Variants in SLC39A4 observed in about 807,000 individuals in gnomAD.
The protein encoded by SLC39A4 is solute carrier family 39 member 4.
A neutral mutation model predicts 56.6 loss-of-function variants in SLC39A4; 49 were observed. That is an observed-to-expected ratio of 0.87 (90% CI 0.69 to 1.10). SLC39A4 has a LOEUF of 1.10. Among genes scored for constraint, SLC39A4 ranks in the 50% least tolerant of loss-of-function variants. SLC39A4 has a pLI of 0.00. For missense variants in SLC39A4, 993 were observed against 864.2 expected (o/e 1.15, Z -1.87); for synonymous variants, 540 against 420.4 (o/e 1.28, Z -3.48).
chr8:144,412,908 G>C lies in SLC39A4; in HGVS notation c.1666C>G (p.Arg556Gly). Residue 556 changes from arginine (R) to glycine (G), a missense_variant, in exon 11 of 12, where the codon CGC (arginine) becomes GGC (glycine). Arg to Gly is a moderately radical substitution (Grantham distance 125, BLOSUM62 -2). Transcript: ENST00000301305. ...AALLHAGLSVRQALLLNLASA... is the reference protein window; with the variant it reads ...AALLHAGLSVGQALLLNLASA... ...GCCAGGTTCAGCAGCAGTGCTTGGC[G>C]CACGGACAGCCCCGCGTGCAGCAAG... 1.2e-6 allele frequency: 2 copies of C among 1,608,198 alleles called. No individual in the cohort carries two copies. Among genetic ancestry groups the C allele is most frequent in the Non-Finnish European group, 1.7e-6 (2 of 1,179,490 alleles).
Position 144,413,761 on chromosome 8 carries a change from G to A in SLC39A4, c.1408C>T (p.Arg470Cys), listed in dbSNP as rs1822013005. The A allele has an allele frequency of 1.3e-6, 2 of 1,539,680 alleles. No homozygotes were observed. Among genetic ancestry groups the A allele is most frequent in the Non-Finnish European group, 1.7e-6 (2 of 1,148,478 alleles). Residue 470 changes from arginine (R) to cysteine (C), a missense_variant, in exon 8 of 12, where the codon CGC becomes TGC. Physicochemically the swap from Arg to Cys is radical, Grantham distance 180. Transcript: ENST00000301305. Reference sequence around the variant, plus strand: ...TGGCGCCCACTCACCAGGTCTGCGCGGGAGCCCTCGTGGGGGGGCTTGGGC... The same window carrying A: ...TGGCGCCCACTCACCAGGTCTGCGCAGGAGCCCTCGTGGGGGGGCTTGGGC... ...RQPKPPHEGSRADLVAEESPE... is the reference protein window; with the variant it reads ...RQPKPPHEGSCADLVAEESPE...
At chr8:144,416,384 TG>T in intron 1 of SLC39A4, 2 of 1,451,684 alleles carry the variant, frequency 1.4e-6, no homozygotes, top group South Asian at 2.9e-5. Context: ...CCTGGGGTCC[TG>T]GGGAGAAGAG....
chr8:144,413,776 G>A lies in SLC39A4; in HGVS notation c.1393C>T (p.Pro465Ser). 1 of 1,545,164 alleles carries A rather than the reference G, an allele frequency of 6.5e-7. No individual in the cohort carries two copies. Among genetic ancestry groups the A allele is most frequent in the South Asian group, 1.2e-5 (1 of 84,704 alleles). ...AGGTCTGCGCGGGAGCCCTCGTGGG[G>A]GGGCTTGGGCTGCCGGAGCTCGCTG... ...APSELRQPKP[P>S]HEGSRADLVA... Residue 465 changes from proline to serine, a missense_variant, in exon 8 of 12, where the codon CCC becomes TCC. Pro to Ser is a moderately conservative substitution (Grantham distance 74). Coordinates refer to ENST00000301305, the MANE Select transcript of SLC39A4 (RefSeq NM_130849.4).
rs1554874191 is a variant in SLC39A4, at chr8:144,416,773, G to A, written c.17C>T (p.Ser6Leu). The A allele has an allele frequency of 3.7e-6, 6 of 1,612,392 alleles. No homozygotes were observed. Among genetic ancestry groups the A allele is most frequent in the African/African-American group, 1.3e-5 (1 of 75,028 alleles). ...AGCCAGAAGCAGCCCCAGCTCCAGC[G>A]AGACCAGGGACGCCATACTCAGCTC... Reference protein sequence around the residue: MASLVSLELGLLLAVL... With the variant: MASLVLLELGLLLAVL... The change falls in exon 1 of 12, where the codon TCG (serine) becomes TTG (leucine). Residue 6 changes from serine (S) to leucine (L), a missense_variant. Ser to Leu is a moderately radical substitution (Grantham distance 145). Coordinates refer to ENST00000301305, the MANE Select transcript of SLC39A4 (RefSeq NM_130849.4).
chr8:144,413,009 C>T (rs537548086), intron 10 of SLC39A4, 63 bp from the exon 11 acceptor site: 22 of 1,529,886 alleles, frequency 1.4e-5, no homozygotes, highest in Non-Finnish European at 1.8e-5. Flanking sequence ...CACCTCCTTT[C>T]GGTCCCGCCC....
chr8:144,414,379 G>A lies in SLC39A4; in HGVS notation c.1032C>T (p.Gly344=), dbSNP rs1368392594. 7.0e-6 allele frequency: 11 copies of A among 1,580,084 alleles called. No homozygotes were observed. The African/African-American group carries it at 9.4e-5, about 13-fold the overall frequency. ...TLLICLCAVF[G]LLLLTCTGCR... The stretch of plus-strand genomic sequence containing the variant: ...AGCCAGTGCAGGTCAGCAGCAGGAG[G>A]CCAAAGACCGCGCAGAGGCAGATGA... The change falls in exon 6 of 12, where the codon GGC becomes GGT. Residue 344 remains glycine, a synonymous_variant. Coordinates refer to ENST00000301305, the MANE Select transcript of SLC39A4 (RefSeq NM_130849.4).
chr8:144,415,705 T>TCCCCAGGC (rs1822151073), intron 2 of SLC39A4, 105 bp downstream of exon 2: 8 of 1,421,176 alleles, frequency 5.6e-6, no homozygotes, highest in Non-Finnish European at 7.4e-6. Flanking sequence ...CCTGGGCGTC[T>TCCCCAGGC]CCCCAGGCCC....
Position 144,415,255 on chromosome 8 carries a change from G to A in SLC39A4, c.639C>T (p.His213=), listed in dbSNP as rs1554873529. The part of the protein sequence containing the change: ...QYFVDFVFQQ[H]SSEVPMTLAE... Reference sequence around the variant, plus strand: ...CCAGCGTCATAGGGACCTCGCTGCTGTGCTGCTGGAACACAAAGTCCACGA... The same window carrying A: ...CCAGCGTCATAGGGACCTCGCTGCTATGCTGCTGGAACACAAAGTCCACGA... The change falls in exon 3 of 12, where the codon CAC becomes CAT. Residue 213 remains histidine (H), a synonymous_variant. Coordinates refer to ENST00000301305, the MANE Select transcript of SLC39A4 (RefSeq NM_130849.4). 2 of 1,613,202 alleles carry A rather than the reference G, an allele frequency of 1.2e-6. No homozygotes were observed. The highest frequency in any genetic ancestry group is 2.2e-5 in the South Asian group (2 of 91,086).
chr8:144,415,305 G>A lies in SLC39A4; in HGVS notation c.589C>T (p.His197Tyr). The part of the protein sequence containing the change: ...LDHVRSGSCF[H>Y]ALPSPQYFVD... ...AAGTACTGAGGGCTCGGCAAGGCGT[G>A]GAAGCAAGACCCGCTCCTGACATGG... is the stretch of plus-strand genomic sequence containing the variant. Residue 197 changes from histidine (H) to tyrosine (Y), a missense_variant, in exon 3 of 12, where the codon CAC (histidine) becomes TAC (tyrosine). Transcript: ENST00000301305. 4 of 1,613,142 alleles carry A rather than the reference G, an allele frequency of 2.5e-6. No individual in the cohort carries two copies. The highest frequency in any genetic ancestry group is 3.4e-6 in the Non-Finnish European group (4 of 1,179,828).
chr8:144,414,766 T>G lies in SLC39A4; in HGVS notation c.935A>C (p.Gln312Pro), dbSNP rs1233156360. The change falls in exon 5 of 12, where the codon CAG (glutamine) becomes CCG (proline). Residue 312 changes from glutamine to proline, a missense_variant. Physicochemically the swap from Gln to Pro is moderately conservative, Grantham distance 76 (BLOSUM62 -1). Coordinates refer to ENST00000301305, the MANE Select transcript of SLC39A4 (RefSeq NM_130849.4). The stretch of plus-strand genomic sequence containing the variant: ...CTGGTCCTGGACGGGGGGCCTGGAC[T>G]GGGAGGTGCAGGCTCCACTCAGCTG... ...QQQLSGACTS[Q>P]SRPPVQDQLS... 6.2e-7 allele frequency: 1 copy of G among 1,612,964 alleles called. No homozygotes were observed. The highest frequency in any genetic ancestry group is 8.5e-7 in the Non-Finnish European group (1 of 1,179,960).
intron 1 of SLC39A4, chr8:144,416,384 T>C: frequency 6.9e-7 from 1 of 1,451,686 alleles, no homozygotes; most frequent in Non-Finnish European, 9.0e-7. Context: ...CCTGGGGTCC[T>C]GGGGAGAAGA....
At chr8:144,415,670 G>A (rs912376874) in intron 2 of SLC39A4, 140 bp downstream of exon 2, 1 of 1,318,178 alleles carries the variant, frequency 7.6e-7, no homozygotes, top group East Asian at 2.5e-5. Flanking sequence ...GCCCCACGTT[G>A]TGAATCCCCA....
At chr8:144,414,681 C>T in intron 5 of SLC39A4, 44 bp downstream of exon 5, 2 of 1,607,456 alleles carry the variant, frequency 1.2e-6, no homozygotes, top group Admixed American at 3.3e-5. Flanking sequence ...CCTACACGGG[C>T]TCCACCTCTG....
Position 144,413,528 on chromosome 8 carries a change from TGGGCTCAGGGTTCAGCAGCTCC to T in SLC39A4, c.1437_1458del (p.Glu480GlyfsTer3). ...CTGGGCTCACCTGGGCTCAGTCTCC[TGGGCTCAGGGTTCAGCAGCTCC>T]GGGCTCTCCTCCGCCACCTGGGAGG... On this transcript the variant is annotated frameshift_variant, in exon 9 of 12. Coordinates refer to ENST00000301305, the MANE Select transcript of SLC39A4 (RefSeq NM_130849.4). LOFTEE classifies it high-confidence loss of function. 1 of 1,556,826 alleles carries T rather than the reference TGGGCTCAGGGTTCAGCAGCTCC, an allele frequency of 6.4e-7. No homozygotes were observed. Among genetic ancestry groups the T allele is most frequent in the Non-Finnish European group, 8.7e-7 (1 of 1,150,242 alleles).
chr8:144,414,196 AGGGCACGGCCT>A lies in SLC39A4; in HGVS notation c.1149+55_1149+65del, dbSNP rs1822056562. 1.9e-6 allele frequency: 3 copies of A among 1,583,226 alleles called. No homozygotes were observed. The African/African-American group carries it at 4.0e-5, about 21-fold the overall frequency. Reference sequence around the variant, plus strand: ...AGGTGGGGTGGGTAAGGTCCCTGGGAGGGCACGGCCTGGGAGTCCATGGTGGGGAACGGAGG... The same window carrying A: ...AGGTGGGGTGGGTAAGGTCCCTGGGAGGGAGTCCATGGTGGGGAACGGAGG... On this transcript the variant is annotated intron_variant, in intron 6 of 11. Transcript: ENST00000301305.
rs782478309 is a variant in SLC39A4, at chr8:144,415,825, G to A, written c.459C>T (p.Gly153=). The part of the protein sequence containing the change: ...LLQRMQARAA[G]QTPKMACVDI... Reference sequence around the variant, plus strand: ...TCTCCCTCACCATCTTGGGGGTCTGGCCGGCAGCCCGGGCCTGCATCCTCT... The same window carrying A: ...TCTCCCTCACCATCTTGGGGGTCTGACCGGCAGCCCGGGCCTGCATCCTCT... The change falls in exon 2 of 12, where the codon GGC becomes GGT. Residue 153 remains glycine, a synonymous_variant. Coordinates refer to ENST00000301305, the MANE Select transcript of SLC39A4 (RefSeq NM_130849.4). 1.9e-6 allele frequency: 3 copies of A among 1,594,606 alleles called. No individual in the cohort carries two copies. The highest frequency in any genetic ancestry group is 2.2e-5 in the East Asian group (1 of 44,602).
intron 1 of SLC39A4, 152 bp downstream of exon 1, chr8:144,416,446 C>T (rs1822202494): frequency 3.4e-6 from 5 of 1,459,018 alleles, no homozygotes; most frequent in Middle Eastern, 2.5e-4. Context: ...GGAGGGTGGG[C>T]TCTGGCCTGT....
chr8:144,416,534 G>A, intron 1 of SLC39A4, 64 bp downstream of exon 1: 2 of 1,530,930 alleles, frequency 1.3e-6, no homozygotes, highest in South Asian at 1.2e-5. Flanking sequence ...TTTGCTGCCG[G>A]CTGGCAGGGC....
chr8:144,413,213 C>T lies in SLC39A4; in HGVS notation c.1627+24G>A, dbSNP rs984922402. ...AGCCCCGTGCGGCCCCGCCCATCTC[C>T]TTCCAGGCCCCGCCTGCGCTCACCC... On this transcript the variant is annotated intron_variant, in intron 10 of 11. Transcript: ENST00000301305. The T allele has an allele frequency of 2.6e-5, 40 of 1,547,780 alleles. No individual in the cohort carries two copies. The African/African-American group carries it at 5.3e-4, about 20-fold the overall frequency.
Sources: gnomAD v4.1 joint callset for allele counts on GRCh38, gnomAD v4.1.1 for gene constraint, MANE v1.5 for transcripts, NCBI Gene and HGNC (gene_info 2026-07-23, HGNC 2026-07-21) for gene names.